The following GPR173 variants were observed in gnomAD, a reference collection of about 807,000 sequenced individuals.
The protein encoded by GPR173 is probable G protein-coupled receptor 173.
In GPR173, 2 loss-of-function variants were observed where a neutral mutation model predicts 13.9. That is an observed-to-expected ratio of 0.14 (90% CI 0.06 to 0.45). The LOEUF is 0.45. Ranked by LOEUF, GPR173 falls within the 20% of genes least tolerant of loss-of-function variation. GPR173 has a pLI of 0.98. For missense variants in GPR173, 202 were observed against 340.5 expected (o/e 0.59, Z 3.20); for synonymous variants, 131 against 141.0 (o/e 0.93, Z 0.50).
rs2146686743 is a variant in GPR173 at position 53,076,862 on chromosome X, G to T, written c.241G>T (p.Ala81Ser). 1 of 1,209,923 alleles carries T rather than the reference G, an allele frequency of 8.3e-7. No homozygotes were observed. The highest frequency in any genetic ancestry group is 3.0e-5 in the East Asian group (1 of 33,856). ...TGCCGTCTGCTTCCCCTTTGTGCTG[G>T]CTTCTGTGCGCCACGGCTCTTCATG... is the stretch of plus-strand genomic sequence containing the variant. ...RSAVCFPFVLASVRHGSSWTF... is the reference protein window; with the variant it reads ...RSAVCFPFVLSSVRHGSSWTF... Residue 81 changes from alanine (A) to serine (S), a missense_variant, in exon 2 of 2, where the codon GCT becomes TCT. Ala to Ser is a moderately conservative substitution (Grantham distance 99). Around this residue, in one of 3 missense-constraint regions of GPR173, gnomAD observed 98 missense variants for 137.2 expected, o/e 0.71. Transcript: ENST00000332582.
At position 53,077,022 on chromosome X, in the gene GPR173, G is replaced by A. The variant is rs1488010206; in HGVS notation, c.401G>A (p.Arg134His). 37 of 1,208,993 alleles carry A rather than the reference G, an allele frequency of 3.1e-5. No individual in the cohort carries two copies. The highest frequency in any genetic ancestry group is 3.9e-5 in the Non-Finnish European group (35 of 894,655). The stretch of plus-strand genomic sequence containing the variant: ...GCCCACCACCGCTTCTACGCCAAGC[G>A]CATGACACTCTGGACATGCGCGGCT... ...AIAHHRFYAK[R>H]MTLWTCAAVI... The change falls in exon 2 of 2, where the codon CGC becomes CAC. Residue 134 changes from arginine to histidine, a missense_variant. Coordinates refer to ENST00000332582, the MANE Select transcript of GPR173 (RefSeq NM_018969.6).
intron 1 of GPR173, chrX:53,065,350 C>G (rs1932171891): frequency 8.9e-6 from 1 of 111,913 alleles, no homozygotes; most frequent in African/African-American, 3.2e-5. Flanking sequence ...GTCAGCAGAG[C>G]TGACCTCAAA....
At chrX:53,073,603 C>G (rs782206239) in intron 1 of GPR173, among the ~76,000 whole-genome samples, 1 of 107,080 alleles carries the variant, frequency 9.3e-6, no homozygotes, top group Non-Finnish European at 1.9e-5. Flanking sequence ...CCCATTTAAT[C>G]CCTCAATCAA....
intron 1 of GPR173, 110 bp from the exon 2 acceptor site, chrX:53,076,415 G>A: frequency 2.7e-6 from 1 of 372,886 alleles, no homozygotes; most frequent in Non-Finnish European, 4.6e-6. Flanking sequence ...CTGCACGCCT[G>A]TTGTGTTTTT....
chrX:53,071,857 AGT>A (rs1191127902), intron 1 of GPR173, among the ~76,000 whole-genome samples: 15 of 110,313 alleles, frequency 1.4e-4, no homozygotes, highest in Non-Finnish European at 2.3e-4. Flanking sequence ...CGTATGTGTG[AGT>A]GTGTGTGTGT....
intron 1 of GPR173, among the ~76,000 whole-genome samples, chrX:53,052,736 T>C (rs1556802877): frequency 9.0e-6 from 1 of 111,311 alleles, no homozygotes; most frequent in African/African-American, 3.3e-5. Context: ...TTTGCATGTA[T>C]GTGTTTGTGT....
intron 1 of GPR173, among the ~76,000 whole-genome samples, chrX:53,071,741 G>T (rs185090119): frequency 1.8e-5 from 2 of 112,458 alleles, no homozygotes; most frequent in African/African-American, 6.4e-5. Flanking sequence ...AGGACGAAGC[G>T]CTGGCGCTCG....
At chrX:53,068,273 A>G (rs1932213109) in intron 1 of GPR173, among the ~76,000 whole-genome samples, 2 of 111,370 alleles carry the variant, frequency 1.8e-5, no homozygotes, top group South Asian at 3.8e-4. Context: ...GAAATACTCT[A>G]TAATAAAACT....
At chrX:53,054,502 T>TA (rs782083038) in intron 1 of GPR173, among the ~76,000 whole-genome samples, 101 of 96,328 alleles carry the variant, frequency 1.0e-3, no homozygotes, top group African/African-American at 1.8e-3. Context: ...AGACTCCATC[T>TA]AAAAAAAAAA....
chrX:53,069,614 G>A (rs1556804595), intron 1 of GPR173, among the ~76,000 whole-genome samples: 1 of 112,628 alleles, frequency 8.9e-6, no homozygotes, highest in African/African-American at 3.2e-5. Context: ...AAGTGTATCT[G>A]TGTGTGAGCA....
chrX:53,070,554 G>A (rs781999840), intron 1 of GPR173, among the ~76,000 whole-genome samples: 67 of 110,512 alleles, frequency 6.1e-4, no homozygotes, highest in Non-Finnish European at 1.0e-3. Flanking sequence ...GCACTATCTC[G>A]GCTCACTGCA....
chrX:53,075,961 T>A (rs1932425792), intron 1 of GPR173, among the ~76,000 whole-genome samples: 1 of 111,663 alleles, frequency 9.0e-6, no homozygotes, highest in African/African-American at 3.3e-5. Flanking sequence ...TGTATTTTTT[T>A]ACTGTGGGTG....
At chrX:53,072,557 G>GTT (rs782051612) in intron 1 of GPR173, among the ~76,000 whole-genome samples, 19 of 107,937 alleles carry the variant, frequency 1.8e-4, no homozygotes, top group African/African-American at 6.4e-4. Context: ...CCCTTTCTCT[G>GTT]TTTCTCTCTC....
chrX:53,069,450 G>A (rs1193479236), intron 1 of GPR173, among the ~76,000 whole-genome samples: 1 of 112,081 alleles, frequency 8.9e-6, no homozygotes, highest in African/African-American at 3.2e-5. Flanking sequence ...TTGCTCTGGA[G>A]CCATTCTTGC....
At chrX:53,074,060 A>ATTT (rs1932340621) in intron 1 of GPR173, among the ~76,000 whole-genome samples, 1 of 39,757 alleles carries the variant, frequency 2.5e-5, no homozygotes, top group Non-Finnish European at 3.6e-5. Context: ...ATATATTTAT[A>ATTT]AATATATAAA....
At chrX:53,069,239 C>T (rs1469337633) in intron 1 of GPR173, among the ~76,000 whole-genome samples, 3 of 103,452 alleles carry the variant, frequency 2.9e-5, no homozygotes, top group African/African-American at 7.2e-5. Context: ...GGATTACAGG[C>T]GTGAGCCACC....
intron 1 of GPR173, among the ~76,000 whole-genome samples, chrX:53,060,031 T>G (rs189101417): frequency 4.9e-5 from 5 of 101,201 alleles, no homozygotes; most frequent in African/African-American, 1.9e-4. Context: ...TATATATATA[T>G]ACACACACAC....
At chrX:53,074,236 A>ATATATATAAATATACATTTATATTTATT (rs1556805354) in intron 1 of GPR173, among the ~76,000 whole-genome samples, 1 of 97,654 alleles carries the variant, frequency 1.0e-5, no homozygotes, top group Non-Finnish European at 2.0e-5. Context: ...TCATATAGAA[A>ATATATATAAATATACATTTATATTTATT]TATATATAAA....
chrX:53,074,248 A>T (rs1332096404), intron 1 of GPR173, among the ~76,000 whole-genome samples: 3 of 97,674 alleles, frequency 3.1e-5, no homozygotes, highest in Non-Finnish European at 3.9e-5. Context: ...ATATATAAAT[A>T]TACATTTATA....
Sources: allele counts gnomAD v4.1 joint callset (sites outside exome capture counted in the v4.1 genomes callset), GRCh38; gene constraint gnomAD v4.1.1; regional missense constraint gnomAD v4.1.1; transcripts MANE v1.5; gene names NCBI Gene and HGNC (gene_info 2026-07-23, HGNC 2026-07-21).